The following COLEC12 variants were observed in gnomAD, a reference collection of about 807,000 sequenced individuals.
COLEC12 encodes the protein collectin-12.
A neutral mutation model predicts 71.1 loss-of-function variants in COLEC12; 33 were observed. That is an observed-to-expected ratio of 0.46 (90% CI 0.35 to 0.62). The LOEUF (loss-of-function observed/expected upper bound fraction) is 0.62, where lower values mean the gene tolerates loss of function less well. Among genes scored for constraint, COLEC12 ranks in the 20% least tolerant of loss-of-function variants. COLEC12 has a pLI of 0.00. For missense variants in COLEC12, 765 were observed against 916.1 expected, an observed-to-expected ratio of 0.84 and a Z score of 2.13; for synonymous variants, 350 against 353.0, an observed-to-expected ratio of 0.99 and a Z score of 0.10.
intron 2 of COLEC12, among the ~76,000 whole-genome samples, chr18:472,633 G>A (rs1173128195): frequency 6.9e-6 from 1 of 145,902 alleles, no homozygotes; most frequent in Non-Finnish European, 1.5e-5. Context: ...CTGCAGTGAT[G>A]GCACCACTGC....
intron 5 of COLEC12, among the ~76,000 whole-genome samples, chr18:344,192 C>T (rs944357814): frequency 8.5e-5 from 13 of 152,162 alleles, no homozygotes; most frequent in African/African-American, 2.4e-4. Flanking sequence ...ATATCCCTGA[C>T]CTGCAACTGT....
chr18:348,237 C>A (rs1914430412), intron 3 of COLEC12, 74 bp from the exon 4 acceptor site: 4 of 916,664 alleles, frequency 4.4e-6, no homozygotes, highest in South Asian at 1.4e-5. Context: ...AACAAGAGAT[C>A]ATTTCATTAT....
intron 2 of COLEC12, among the ~76,000 whole-genome samples, chr18:369,108 G>A (rs1386532298): frequency 6.6e-6 from 1 of 152,164 alleles, no homozygotes; most frequent in Non-Finnish European, 1.5e-5. Flanking sequence ...TTTGCCTTCT[G>A]GAGAGCCGGC....
At position 321,635 on chromosome 18, in the gene COLEC12, C is replaced by T. The variant is rs144443180; in HGVS notation, c.2209+27G>A. The T allele has an allele frequency of 5.8e-5, 93 of 1,613,722 alleles. No homozygotes were observed. In the African/African-American group the frequency reaches 1.1e-3, roughly 20 times the overall value. ...TTTCATAGGACATAAGCTGGCAGCT[C>T]CCTCTTAAATCCCATCTACTGCTCA... is the stretch of plus-strand genomic sequence containing the variant. On this transcript the variant is annotated intron_variant, in intron 9 of 9. Coordinates refer to ENST00000400256, the MANE Select transcript of COLEC12 (RefSeq NM_130386.3).
intron 1 of COLEC12, among the ~76,000 whole-genome samples, chr18:495,289 T>G (rs373011454): frequency 6.6e-6 from 1 of 152,232 alleles, no homozygotes; most frequent in African/African-American, 2.4e-5. Context: ...GAACCTTCTA[T>G]GAAAAATGTC....
chr18:319,327 A>ATAT lies in COLEC12; in HGVS notation c.*717_*718insATA, dbSNP rs1487697803. On this transcript the variant is annotated 3_prime_UTR_variant, in exon 10 of 10. Transcript: ENST00000400256. Reference sequence around the variant, plus strand: ...CTCTGAGGAAATGAAACATTAAAAAAAAAAAAAAAAAAAAATATATATATA... The same window carrying ATAT: ...CTCTGAGGAAATGAAACATTAAAAAATATAAAAAAAAAAAAAAATATATATATA... The ATAT allele has an allele frequency of 2.3e-3, 9 of 3,980 alleles. No homozygotes were observed. Among genetic ancestry groups the ATAT allele is most frequent in the Admixed American group, 7.1e-3 (1 of 140 alleles). 0.2% of individuals were successfully genotyped at this position (3,980 alleles called of 1,614,324 possible).
rs1226606107 is a variant in COLEC12 at position 334,909 on chromosome 18, T to C, written c.1649A>G (p.Gln550Arg). ...CACCCCAGGCTCCCCAACGGTGCCCTGAAGTCCCTGGAAGCCAGGAGGGCC... is the reference window on the plus strand; with the variant it reads ...CACCCCAGGCTCCCCAACGGTGCCCCGAAGTCCCTGGAAGCCAGGAGGGCC... ...PQGPPGFQGL[Q>R]GTVGEPGVPG... The change falls in exon 6 of 10, where the codon CAG becomes CGG. Residue 550 changes from glutamine to arginine, a missense_variant. Physicochemically the swap from Gln to Arg is conservative, Grantham distance 43. Transcript: ENST00000400256. 3.2e-6 allele frequency: 5 copies of C among 1,549,736 alleles called. No homozygotes were observed.
At chr18:440,345 G>A (rs1483309702) in intron 2 of COLEC12, among the ~76,000 whole-genome samples, 2 of 142,662 alleles carry the variant, frequency 1.4e-5, no homozygotes, top group Non-Finnish European at 3.0e-5. Flanking sequence ...AAAGAAGTAG[G>A]TCTGAAATGT....
intron 1 of COLEC12, among the ~76,000 whole-genome samples, chr18:493,576 C>T (rs1010107371): frequency 3.9e-5 from 6 of 152,208 alleles, no homozygotes; most frequent in African/African-American, 9.7e-5. Context: ...CAGTTGTTTA[C>T]GCATAAGTCT....
intron 2 of COLEC12, among the ~76,000 whole-genome samples, chr18:391,606 T>G (rs1418933647): frequency 6.6e-6 from 1 of 152,158 alleles, no homozygotes; most frequent in Non-Finnish European, 1.5e-5. Flanking sequence ...GGGACACTAG[T>G]TTATAATTTA....
At chr18:340,560 G>C (rs905260322) in intron 5 of COLEC12, among the ~76,000 whole-genome samples, 28 of 152,174 alleles carry the variant, frequency 1.8e-4, no homozygotes, top group African/African-American at 6.8e-4. Context: ...TCCTACCCAA[G>C]AGAAGTTTCA....
Position 362,721 on chromosome 18 carries a change from A to G in COLEC12, c.59-5199T>C, listed in dbSNP as rs1914773842. The stretch of plus-strand genomic sequence containing the variant: ...GCGTGCCAAAGAACCTGGCGCCAAT[A>G]GCACATTTGAAATTCAGAGGCCTAC... On this transcript the variant is annotated intron_variant, in intron 2 of 9. Coordinates refer to ENST00000400256, the MANE Select transcript of COLEC12 (RefSeq NM_130386.3). This position sits in a 1 kb window ranked among gnomAD's most constrained non-coding sequence, Gnocchi z 4.6. Among the ~76,000 whole-genome samples, 1 of 152,132 alleles carries G rather than the reference A, an allele frequency of 6.6e-6. No homozygotes were observed. Among genetic ancestry groups the G allele is most frequent in the Non-Finnish European group, 1.5e-5 (1 of 68,026 alleles).
At chr18:472,190 C>A (rs1217687232) in intron 2 of COLEC12, among the ~76,000 whole-genome samples, 1 of 152,166 alleles carries the variant, frequency 6.6e-6, no homozygotes, top group Non-Finnish European at 1.5e-5. Context: ...TCGCCCAAGG[C>A]TACTCACTCG....
intron 2 of COLEC12, among the ~76,000 whole-genome samples, chr18:379,367 T>C (rs1253719380): frequency 6.6e-6 from 1 of 151,866 alleles, no homozygotes; most frequent in African/African-American, 2.4e-5. Context: ...ACTCAAGCAA[T>C]CCTCCCATCT....
In COLEC12 at chr18:335,197, C is replaced by T; in HGVS notation, c.1361G>A (p.Arg454Lys). The T allele has an allele frequency of 1.2e-6, 2 of 1,609,948 alleles. No homozygotes were observed. The highest frequency in any genetic ancestry group is 2.2e-5 in the East Asian group (1 of 44,620). Residue 454 changes from arginine (R) to lysine (K), a missense_variant, in exon 6 of 10, where the codon AGA becomes AAA. Arg to Lys is a conservative substitution (Grantham distance 26). Transcript: ENST00000400256. ...PPGPRGPRGDRGSQGPPGPTG... is the reference protein window; with the variant it reads ...PPGPRGPRGDKGSQGPPGPTG... ...TGGGCCAGGGGGTCCCTGGGATCCTCTGTCACCTCTTGGACCCCTGGGGCC... is the reference window on the plus strand; with the variant it reads ...TGGGCCAGGGGGTCCCTGGGATCCTTTGTCACCTCTTGGACCCCTGGGGCC...
chr18:394,594 C>T (rs530707363), intron 2 of COLEC12, among the ~76,000 whole-genome samples: 16 of 152,288 alleles, frequency 1.1e-4, no homozygotes, highest in African/African-American at 3.4e-4. Context: ...CCCATTTTTG[C>T]TTCTTGCTTT....
chr18:487,490 G>A (rs1188465132), intron 1 of COLEC12, among the ~76,000 whole-genome samples: 2 of 152,170 alleles, frequency 1.3e-5, no homozygotes, highest in Non-Finnish European at 2.9e-5. Context: ...AAGAGAAGGA[G>A]TTGGAGCTGC....
intron 2 of COLEC12, among the ~76,000 whole-genome samples, chr18:403,426 T>C (rs1295558136): frequency 1.3e-5 from 2 of 152,198 alleles, no homozygotes; most frequent in Admixed American, 6.5e-5. Context: ...TGGGAAAATC[T>C]AGGGCAGCAG....
intron 2 of COLEC12, among the ~76,000 whole-genome samples, chr18:360,543 G>GCTGATA (rs1371308762): frequency 2.0e-5 from 3 of 152,170 alleles, no homozygotes; most frequent in Non-Finnish European, 2.9e-5. Flanking sequence ...TGATGCTGAT[G>GCTGATA]CTGATGCTGC....
Sources: allele counts gnomAD v4.1 joint callset (sites outside exome capture counted in the v4.1 genomes callset), GRCh38; gene constraint gnomAD v4.1.1; non-coding constraint Gnocchi (gnomAD v3.1); transcripts MANE v1.5; gene names NCBI Gene and HGNC (gene_info 2026-07-23, HGNC 2026-07-21).